Variants in FAM171A1 observed in about 807,000 individuals in gnomAD.
FAM171A1 encodes family with sequence similarity 171 member A1.
In FAM171A1, 23 loss-of-function variants were observed where a neutral mutation model predicts 74.9. The ratio of observed to expected loss-of-function variants is 0.31; its 90% CI spans 0.22 to 0.44. The LOEUF (loss-of-function observed/expected upper bound fraction) is 0.44. FAM171A1 is among the 20% of genes least tolerant of loss of function. The pLI, the probability that FAM171A1 is intolerant of heterozygous loss-of-function variation, is 1.00. For synonymous variants in FAM171A1, 527 were observed against 505.7 expected, an observed-to-expected ratio of 1.04 and a Z score of -0.57; for missense variants, 1,162 against 1,159.2, an observed-to-expected ratio of 1.00 and a Z score of -0.03.
At chr10:15,223,962 G>A (rs1485114070) in intron 5 of FAM171A1, among the ~76,000 whole-genome samples, 1 of 152,166 alleles carries the variant, frequency 6.6e-6, no homozygotes, top group Non-Finnish European at 1.5e-5. Context: ...GACAAGCCTA[G>A]TGGGTGACCA....
intron 5 of FAM171A1, among the ~76,000 whole-genome samples, chr10:15,234,359 G>A (rs1003558278): frequency 5.9e-5 from 9 of 152,194 alleles, no homozygotes; most frequent in Non-Finnish European, 1.2e-4. Flanking sequence ...GTTACCCGTT[G>A]AGGGTAGCTG....
At chr10:15,265,608 C>T (rs931925519) in intron 3 of FAM171A1, among the ~76,000 whole-genome samples, 7 of 129,452 alleles carry the variant, frequency 5.4e-5, no homozygotes, top group African/African-American at 2.1e-4. Context: ...AAAAAAAGAC[C>T]ATGGAGTAAG....
Position 15,371,079 on chromosome 10 carries a change from G to A in FAM171A1, c.-27C>T, listed in dbSNP as rs1388674180. On this transcript the variant is annotated 5_prime_UTR_variant, in exon 1 of 8. Coordinates refer to ENST00000378116, the MANE Select transcript of FAM171A1 (RefSeq NM_001010924.2). ...TCCGCCGCGGGGCCGGCGGCGGCTCGGGCTCGCCGAGAGCGGGCCGGGCGG... is the reference window on the plus strand; with the variant it reads ...TCCGCCGCGGGGCCGGCGGCGGCTCAGGCTCGCCGAGAGCGGGCCGGGCGG... 1 of 1,004,768 alleles carries A rather than the reference G, an allele frequency of 1.0e-6. No individual in the cohort carries two copies. Among genetic ancestry groups the A allele is most frequent in the Non-Finnish European group, 1.2e-6 (1 of 838,710 alleles). The allele number at this position is 1,004,768 out of a possible 1,614,324, so 62.2% of individuals were successfully genotyped here. A position where few individuals can be genotyped will look rare whatever the true frequency, so the allele number is the denominator to read the frequency against.
At chr10:15,366,452 T>A (rs1588574367) in intron 1 of FAM171A1, among the ~76,000 whole-genome samples, 1 of 152,198 alleles carries the variant, frequency 6.6e-6, no homozygotes, top group Non-Finnish European at 1.5e-5. Flanking sequence ...ATTTAAAATA[T>A]ATTCAGTTCT....
chr10:15,336,662 C>T (rs1358023702), intron 1 of FAM171A1, among the ~76,000 whole-genome samples: 1 of 152,088 alleles, frequency 6.6e-6, no homozygotes, highest in Non-Finnish European at 1.5e-5. Context: ...TACATGCCAA[C>T]TATTATTTTC....
At chr10:15,252,059 A>T (rs118141267) in intron 4 of FAM171A1, among the ~76,000 whole-genome samples, 5,257 of 152,290 alleles carry the variant, frequency 0.035, 129 homozygotes, top group South Asian at 0.066. Context: ...TTGCAGGAAA[A>T]GTCTGCACCT....
intron 1 of FAM171A1, among the ~76,000 whole-genome samples, chr10:15,286,559 G>A (rs1040452202): frequency 6.6e-6 from 1 of 152,130 alleles, no homozygotes; most frequent in African/African-American, 2.4e-5. Context: ...TGGGATTACA[G>A]GCATGATCCA....
chr10:15,233,294 CA>C (rs765278859), intron 5 of FAM171A1, among the ~76,000 whole-genome samples: 3 of 135,554 alleles, frequency 2.2e-5, no homozygotes, highest in East Asian at 2.2e-4. Flanking sequence ...GACTCCGTCT[CA>C]AAAAAAAACA....
intron 1 of FAM171A1, 127 bp from the exon 2 acceptor site, chr10:15,284,232 T>C (rs148100690): frequency 3.8e-6 from 3 of 799,854 alleles, no homozygotes; most frequent in Non-Finnish European, 5.9e-6. Context: ...ACTCAAAATA[T>C]GCAGTTTTTA....
chr10:15,254,230 T>G (rs1220160134), intron 4 of FAM171A1, among the ~76,000 whole-genome samples: 2 of 152,142 alleles, frequency 1.3e-5, no homozygotes, highest in Non-Finnish European at 1.5e-5. Flanking sequence ...AAGGTATGCC[T>G]GTCTCTGAGT....
At chr10:15,313,764 T>C (rs17293194) in intron 1 of FAM171A1, among the ~76,000 whole-genome samples, 34,999 of 152,160 alleles carry the variant, frequency 0.23, 4,233 homozygotes, top group Admixed American at 0.27. Flanking sequence ...ACGGTTCACA[T>C]TGTCATCCTT....
intron 1 of FAM171A1, among the ~76,000 whole-genome samples, chr10:15,323,109 C>T (rs927150041): frequency 1.4e-5 from 2 of 145,736 alleles, no homozygotes; most frequent in African/African-American, 5.2e-5. Flanking sequence ...CGCTGCACTC[C>T]AGTCTGGGCA....
intron 3 of FAM171A1, among the ~76,000 whole-genome samples, chr10:15,259,083 TC>T (rs1834622909): frequency 1.3e-5 from 2 of 152,100 alleles, no homozygotes; most frequent in Admixed American, 1.3e-4. Context: ...TATTCCAGTC[TC>T]CCCAACACCC....
At chr10:15,276,735 A>G (rs903469476) in intron 2 of FAM171A1, among the ~76,000 whole-genome samples, 3 of 152,162 alleles carry the variant, frequency 2.0e-5, no homozygotes, top group Non-Finnish European at 4.4e-5. Context: ...CTCAGGCTGG[A>G]GTGCAGTGGC....
At chr10:15,253,629 A>G (rs971328245) in intron 4 of FAM171A1, among the ~76,000 whole-genome samples, 1 of 152,238 alleles carries the variant, frequency 6.6e-6, no homozygotes, top group Admixed American at 6.5e-5. Context: ...TTTCAGAATA[A>G]TCAGTTTATG....
intron 1 of FAM171A1, among the ~76,000 whole-genome samples, chr10:15,368,436 CA>C (rs1836092540): frequency 6.6e-6 from 1 of 152,112 alleles, no homozygotes; most frequent in African/African-American, 2.4e-5. Context: ...GCAGTTTTAC[CA>C]AAGTAATTGC....
intron 1 of FAM171A1, among the ~76,000 whole-genome samples, chr10:15,297,063 C>T (rs1411295069): frequency 1.0e-4 from 15 of 144,586 alleles, no homozygotes; most frequent in African/African-American, 3.5e-4. Context: ...AGCTTTTTTT[C>T]TTTTTTTTTT....
At chr10:15,264,131 A>G (rs946917526) in intron 3 of FAM171A1, among the ~76,000 whole-genome samples, 1 of 151,820 alleles carries the variant, frequency 6.6e-6, no homozygotes, top group African/African-American at 2.4e-5. Context: ...GGCACACAAC[A>G]CCACACCTGG....
chr10:15,345,064 T>C (rs954838900), intron 1 of FAM171A1, among the ~76,000 whole-genome samples: 13 of 152,218 alleles, frequency 8.5e-5, no homozygotes, highest in African/African-American at 3.1e-4. Flanking sequence ...CCAGAAATGA[T>C]GATGAAATTT....
Sources: gnomAD v4.1 joint callset for allele counts (sites outside exome capture counted in the v4.1 genomes callset) on GRCh38, gnomAD v4.1.1 for gene constraint, MANE v1.5 for transcripts, NCBI Gene and HGNC (gene_info 2026-07-23, HGNC 2026-07-21) for gene names.